The following CLPX variants were observed in gnomAD, a reference collection of about 807,000 sequenced individuals.
The protein encoded by CLPX is ATP-dependent clpX-like chaperone, mitochondrial.
In CLPX, 34 loss-of-function variants were observed where a neutral mutation model predicts 76.4. The ratio of observed to expected loss-of-function variants is 0.45; its 90% CI spans 0.34 to 0.59. The LOEUF is 0.59. CLPX is among the 20% of genes least tolerant of loss of function. CLPX has a pLI of 0.01. For missense variants in CLPX, 613 were observed against 757.0 expected, an observed-to-expected ratio of 0.81 and a Z score of 2.23; for synonymous variants, 248 against 270.9, an observed-to-expected ratio of 0.92 and a Z score of 0.83.
chr15:65,169,645 G>C (rs555817754), intron 3 of CLPX, among the ~76,000 whole-genome samples: 4 of 152,086 alleles, frequency 2.6e-5, no homozygotes, highest in Non-Finnish European at 5.9e-5. Context: ...GAACCTGGGA[G>C]GCAGAGGTTG....
intron 6 of CLPX, among the ~76,000 whole-genome samples, chr15:65,160,272 T>C (rs980618801): frequency 1.3e-5 from 2 of 152,122 alleles, no homozygotes; most frequent in African/African-American, 4.8e-5. Context: ...AGGTAAAGGG[T>C]TATTCTATTC....
At chr15:65,153,090 T>A (rs2087744469) in intron 12 of CLPX, among the ~76,000 whole-genome samples, 1 of 151,924 alleles carries the variant, frequency 6.6e-6, no homozygotes, top group Non-Finnish European at 1.5e-5. Context: ...CTATGTCCTT[T>A]GTTGCAAACA....
intron 2 of CLPX, 103 bp from the exon 3 acceptor site, chr15:65,179,154 T>A: frequency 1.6e-6 from 1 of 613,006 alleles, no homozygotes; most frequent in East Asian, 2.9e-5. Context: ...TATAATCTTC[T>A]ATATTTCTAG....
intron 3 of CLPX, among the ~76,000 whole-genome samples, chr15:65,170,801 A>T (rs2087991598): frequency 6.7e-6 from 1 of 148,582 alleles, no homozygotes; most frequent in Non-Finnish European, 1.5e-5. Context: ...CAATTCAATC[A>T]ATTCTTGTGT....
intron 4 of CLPX, among the ~76,000 whole-genome samples, chr15:65,165,585 C>G (rs1383702447): frequency 6.6e-6 from 1 of 151,530 alleles, no homozygotes; most frequent in Non-Finnish European, 1.5e-5. Context: ...CGGGGTTTCA[C>G]CATGTTAGCC....
chr15:65,149,950 T>C lies in CLPX; in HGVS notation c.*873A>G, dbSNP rs2087699746. ...TACAGAACCAATTGGGAAGTTAGTG[T>C]CATGCATTAGCAGATAAGACTAGGA... On this transcript the variant is annotated 3_prime_UTR_variant, in exon 14 of 14. Coordinates refer to ENST00000300107, the MANE Select transcript of CLPX (RefSeq NM_006660.5). 6.5e-6 allele frequency: 1 copy of C among 153,836 alleles called. No homozygotes were observed. Among genetic ancestry groups the C allele is most frequent in the African/African-American group, 2.4e-5 (1 of 41,300 alleles). 9.5% of individuals were successfully genotyped at this position (153,836 alleles called of 1,614,324 possible). A position where few individuals can be genotyped will look rare whatever the true frequency, so the allele number is the denominator to read the frequency against.
chr15:65,162,690 G>A, intron 5 of CLPX, 45 bp from the exon 6 acceptor site: 2 of 1,162,908 alleles, frequency 1.7e-6, no homozygotes, highest in South Asian at 1.3e-5. Context: ...TACCTTGGGG[G>A]AACAAACAAT....
At chr15:65,161,482 T>A (rs1178813299) in intron 6 of CLPX, among the ~76,000 whole-genome samples, 1 of 152,170 alleles carries the variant, frequency 6.6e-6, no homozygotes, top group Non-Finnish European at 1.5e-5. Context: ...AATTTAAGCT[T>A]TTGAAATATT....
Position 65,164,206 on chromosome 15 carries a change from A to G in CLPX, c.514-18T>C, listed in dbSNP as rs758392018. The G allele has an allele frequency of 4.4e-6, 7 of 1,587,310 alleles. No individual in the cohort carries two copies. In the South Asian group the frequency reaches 7.9e-5, roughly 18 times the overall value. ...TTATAAATCTGAAAAATGATTAGGTATGAATAATTTAATATGAGCTATTAT... is the reference window on the plus strand; with the variant it reads ...TTATAAATCTGAAAAATGATTAGGTGTGAATAATTTAATATGAGCTATTAT... On this transcript the variant is annotated intron_variant, in intron 4 of 13. Coordinates refer to ENST00000300107, the MANE Select transcript of CLPX (RefSeq NM_006660.5).
At position 65,174,989 on chromosome 15, in the gene CLPX, T is replaced by G. The variant is rs983377111; in HGVS notation, c.358+3945A>C. 3.3e-5 allele frequency among the ~76,000 whole-genome samples: 5 copies of G among 152,328 alleles called. No individual in the cohort carries two copies. In the South Asian group the frequency reaches 6.2e-4, roughly 19 times the overall value. ...AAATCACACGTTCAATGAAGATATGTTATAGAACTTTATAGCTTCATCTAT... is the reference window on the plus strand; with the variant it reads ...AAATCACACGTTCAATGAAGATATGGTATAGAACTTTATAGCTTCATCTAT... On this transcript the variant is annotated intron_variant, in intron 3 of 13. Transcript: ENST00000300107.
chr15:65,178,793 T>C, intron 3 of CLPX, 141 bp downstream of exon 3: 1 of 377,014 alleles, frequency 2.7e-6, no homozygotes, highest in Non-Finnish European at 4.7e-6. Flanking sequence ...ATCTCCTCCT[T>C]CCAAAGTGCT....
chr15:65,165,043 T>C (rs991113283), intron 4 of CLPX, among the ~76,000 whole-genome samples: 3 of 152,154 alleles, frequency 2.0e-5, no homozygotes, highest in East Asian at 1.9e-4. Context: ...TGAATTAATA[T>C]TAACCAACTC....
intron 3 of CLPX, among the ~76,000 whole-genome samples, chr15:65,172,099 G>T (rs1044002527): frequency 6.6e-6 from 1 of 152,126 alleles, no homozygotes; most frequent in Non-Finnish European, 1.5e-5. Flanking sequence ...GAGTAGCTGG[G>T]ATTACAAGCA....
chr15:65,162,638 TTCTAAC>T lies in CLPX; in HGVS notation c.675_680del (p.Leu226_Glu227del). On this transcript the variant is annotated inframe_deletion and splice_region_variant, in exon 6 of 14. Transcript: ENST00000300107. ...TGTACTCATCCTCCCGTCTTCTTAT[TTCTAAC>T]TCTAAGAAAGAGGATGAAAATATTA... 36 of 1,580,972 alleles carry T rather than the reference TTCTAAC, an allele frequency of 2.3e-5. No homozygotes were observed. The highest frequency in any genetic ancestry group is 3.1e-5 in the Non-Finnish European group (36 of 1,153,742).
intron 3 of CLPX, among the ~76,000 whole-genome samples, chr15:65,170,377 C>A (rs984768578): frequency 6.6e-6 from 1 of 151,952 alleles, no homozygotes; most frequent in African/African-American, 2.4e-5. Flanking sequence ...ATATAAATAT[C>A]TATCCACAGA....
chr15:65,149,694 T>C lies in CLPX; in HGVS notation c.*1129A>G, dbSNP rs1429735469. 22 of 304,982 alleles carry C rather than the reference T, an allele frequency of 7.2e-5. No individual in the cohort carries two copies. Among genetic ancestry groups the C allele is most frequent in the South Asian group, 5.7e-4 (22 of 38,606 alleles). The allele number at this position is 304,982 out of a possible 1,614,324, so 18.9% of individuals were successfully genotyped here. A position where few individuals can be genotyped will look rare whatever the true frequency, so the allele number is the denominator to read the frequency against. On this transcript the variant is annotated 3_prime_UTR_variant, in exon 14 of 14. Transcript: ENST00000300107. Reference sequence around the variant, plus strand: ...GGCCAACAGGGTGAAACCCTGTCTCTACTAAAAATACAAAAATTAGCCAGG... The same window carrying C: ...GGCCAACAGGGTGAAACCCTGTCTCCACTAAAAATACAAAAATTAGCCAGG...
chr15:65,170,984 A>T (rs770676897), intron 3 of CLPX, among the ~76,000 whole-genome samples: 3 of 151,328 alleles, frequency 2.0e-5, no homozygotes, highest in Non-Finnish European at 2.9e-5. Flanking sequence ...CACCACACCC[A>T]GCTCATTTTT....
chr15:65,184,972 C>T, intron 1 of CLPX, 103 bp downstream of exon 1: 2 of 963,340 alleles, frequency 2.1e-6, no homozygotes, highest in South Asian at 2.8e-5. Context: ...CTCACACTCC[C>T]CGGGTGCAGC....
chr15:65,158,158 G>C, intron 7 of CLPX: 1 of 372,216 alleles, frequency 2.7e-6, no homozygotes, highest in Non-Finnish European at 4.8e-6. Flanking sequence ...TCAGCCTCAG[G>C]ACTACAGGCA....
Sources: allele counts gnomAD v4.1 joint callset (sites outside exome capture counted in the v4.1 genomes callset), GRCh38; gene constraint gnomAD v4.1.1; transcripts MANE v1.5; gene names NCBI Gene and HGNC (gene_info 2026-07-23, HGNC 2026-07-21).